NRXN3: variants seen among roughly 807,000 people sequenced by gnomAD.
The protein encoded by NRXN3 is neurexin 3.
Under a neutral mutation model 137.6 loss-of-function variants are expected in NRXN3, and 32 were observed. That is an observed-to-expected ratio of 0.23 (90% CI 0.18 to 0.31). NRXN3 has a LOEUF of 0.31. NRXN3 is among the 10% of genes least tolerant of loss of function. The pLI is 1.00. For missense variants in NRXN3, 1,574 were observed against 2,062.5 expected (o/e 0.76, Z 4.59); for synonymous variants, 798 against 784.5 (o/e 1.02, Z -0.29).
At chr14:78,759,299 A>C (rs917425811) in intron 8 of NRXN3, among the ~76,000 whole-genome samples, 6 of 152,216 alleles carry the variant, frequency 3.9e-5, no homozygotes, top group African/African-American at 1.4e-4. Flanking sequence ...ACAAACATTA[A>C]GTCAGCTCTG....
At chr14:79,692,970 A>C (rs1272322499) in intron 18 of NRXN3, among the ~76,000 whole-genome samples, 1 of 152,082 alleles carries the variant, frequency 6.6e-6, no homozygotes, top group Non-Finnish European at 1.5e-5. Context: ...ACAAAAGTGT[A>C]AGAAGTTAAC....
intron 6 of NRXN3, among the ~76,000 whole-genome samples, chr14:78,677,018 C>T (rs190021626): frequency 1.3e-3 from 196 of 152,194 alleles, no homozygotes; most frequent in Non-Finnish European, 2.0e-3. Flanking sequence ...TACTGTTCAT[C>T]GACAATGCAC....
chr14:78,793,534 G>A (rs1252893836), intron 8 of NRXN3, among the ~76,000 whole-genome samples: 2 of 152,104 alleles, frequency 1.3e-5, no homozygotes, highest in Non-Finnish European at 2.9e-5. Flanking sequence ...AAAGTCTGGA[G>A]GAAACCAGGC....
chr14:78,617,493 C>T (rs2097358221), intron 4 of NRXN3, among the ~76,000 whole-genome samples: 1 of 152,188 alleles, frequency 6.6e-6, no homozygotes, highest in Non-Finnish European at 1.5e-5. Flanking sequence ...ATCCCTGTGG[C>T]CCAGTTGGTA....
At chr14:79,169,160 G>A (rs947938424) in intron 15 of NRXN3, among the ~76,000 whole-genome samples, 7 of 151,984 alleles carry the variant, frequency 4.6e-5, no homozygotes, top group African/African-American at 7.2e-5. Context: ...TTAGATTAGC[G>A]TTTGTTACTA....
At chr14:78,547,165 C>G (rs2096643669) in intron 4 of NRXN3, among the ~76,000 whole-genome samples, 1 of 151,832 alleles carries the variant, frequency 6.6e-6, no homozygotes, top group Admixed American at 6.6e-5. Flanking sequence ...CGTATAATGT[C>G]TGATATCTAT....
chr14:79,139,568 T>C (rs2058592704), intron 15 of NRXN3, among the ~76,000 whole-genome samples: 2 of 152,132 alleles, frequency 1.3e-5, no homozygotes, highest in African/African-American at 4.8e-5. Flanking sequence ...ATCTAATGAA[T>C]ATCTAGAAAA....
chr14:79,235,984 C>G (rs576436686), intron 15 of NRXN3, among the ~76,000 whole-genome samples: 84 of 152,204 alleles, frequency 5.5e-4, no homozygotes, highest in African/African-American at 1.9e-3. Context: ...ACCCCAAACA[C>G]CAGATCCTCC....
intron 10 of NRXN3, among the ~76,000 whole-genome samples, chr14:78,914,761 A>G (rs568911635): frequency 5.7e-4 from 87 of 152,266 alleles, no homozygotes; most frequent in African/African-American, 2.1e-3. Flanking sequence ...ACTCTCAGGA[A>G]TAACTGGGAA....
At chr14:79,232,843 A>G (rs1778048879) in intron 15 of NRXN3, among the ~76,000 whole-genome samples, 1 of 152,184 alleles carries the variant, frequency 6.6e-6, no homozygotes, top group Admixed American at 6.5e-5. Flanking sequence ...GTTTTCTTGT[A>G]GCACCTCATC....
At chr14:79,694,548 T>G (rs1481292228) in intron 18 of NRXN3, among the ~76,000 whole-genome samples, 1 of 151,970 alleles carries the variant, frequency 6.6e-6, no homozygotes, top group African/African-American at 2.4e-5. Context: ...TTTATGTACA[T>G]ATAATGGTCA....
chr14:79,841,118 C>G (rs911553209), intron 20 of NRXN3, among the ~76,000 whole-genome samples: 3 of 152,092 alleles, frequency 2.0e-5, no homozygotes, highest in Middle Eastern at 3.2e-3. Flanking sequence ...CAGTCAAAGC[C>G]GTGTATATTT....
chr14:79,347,557 G>T (rs2092956613), intron 15 of NRXN3, among the ~76,000 whole-genome samples: 1 of 151,916 alleles, frequency 6.6e-6, no homozygotes. Context: ...GAGTAGCTGG[G>T]ACTATAGGCA....
At chr14:78,667,940 C>T (rs767454922) in intron 6 of NRXN3, among the ~76,000 whole-genome samples, 24 of 152,182 alleles carry the variant, frequency 1.6e-4, no homozygotes, top group Non-Finnish European at 3.1e-4. Context: ...CCCGCCACCA[C>T]GCCCAGCTAA....
intron 4 of NRXN3, among the ~76,000 whole-genome samples, chr14:78,341,104 G>T (rs879615529): frequency 5.9e-5 from 9 of 152,086 alleles, no homozygotes; most frequent in Non-Finnish European, 1.2e-4. Context: ...CATTTAACTG[G>T]ACAGTTTGTA....
chr14:78,509,567 G>A (rs1198850194), intron 4 of NRXN3, among the ~76,000 whole-genome samples: 1 of 152,054 alleles, frequency 6.6e-6, no homozygotes, highest in African/African-American at 2.4e-5. Flanking sequence ...TGGAAGTCAG[G>A]GAGAGGCTCC....
chr14:78,662,817 C>A (rs1184339185), intron 6 of NRXN3, among the ~76,000 whole-genome samples: 4 of 152,188 alleles, frequency 2.6e-5, no homozygotes, highest in Admixed American at 2.6e-4. Flanking sequence ...TTGAGGTTCC[C>A]AGCCACTATC....
chr14:78,940,650 C>A (rs1289691049), intron 10 of NRXN3, among the ~76,000 whole-genome samples: 5 of 152,026 alleles, frequency 3.3e-5, no homozygotes, highest in Non-Finnish European at 7.4e-5. Flanking sequence ...GATATTTGTT[C>A]CTTGAATAGA....
At chr14:79,354,016 C>A (rs1195533358) in intron 15 of NRXN3, among the ~76,000 whole-genome samples, 3 of 152,114 alleles carry the variant, frequency 2.0e-5, no homozygotes, top group African/African-American at 7.2e-5. Flanking sequence ...GCTACGACAT[C>A]TTTTGTCAAC....
Sources: allele counts gnomAD v4.1 joint callset (sites outside exome capture counted in the v4.1 genomes callset), GRCh38; gene constraint gnomAD v4.1.1; transcripts MANE v1.5; gene names NCBI Gene and HGNC (gene_info 2026-07-23, HGNC 2026-07-21).